The following CHFR variants were observed in gnomAD, a reference collection of about 807,000 sequenced individuals.
The protein encoded by CHFR is E3 ubiquitin-protein ligase CHFR.
Under a neutral mutation model 87.6 loss-of-function variants are expected in CHFR, and 57 were observed. That is an observed-to-expected ratio of 0.65 (90% CI 0.53 to 0.81). CHFR has a LOEUF of 0.81. CHFR is among the 30% of genes least tolerant of loss of function. CHFR has a pLI of 0.00. For missense variants in CHFR, 797 were observed against 865.8 expected, an observed-to-expected ratio of 0.92 and a Z score of 1.00; for synonymous variants, 381 against 359.2, an observed-to-expected ratio of 1.06 and a Z score of -0.69.
chr12:132,869,408 A>G (rs1055757695), intron 6 of CHFR, among the ~76,000 whole-genome samples: 1 of 152,118 alleles, frequency 6.6e-6, no homozygotes, highest in Non-Finnish European at 1.5e-5. Flanking sequence ...ATGAAACTGC[A>G]AAATACACAA....
At chr12:132,844,798 T>A (rs1158754275) in intron 15 of CHFR, among the ~76,000 whole-genome samples, 1 of 151,902 alleles carries the variant, frequency 6.6e-6, no homozygotes, top group Non-Finnish European at 1.5e-5. Flanking sequence ...GCCCGGCTAA[T>A]GTTTATACTT....
chr12:132,853,443 T>C lies in CHFR; in HGVS notation c.1360A>G (p.Ser454Gly). 1 of 1,525,388 alleles carries C rather than the reference T, an allele frequency of 6.6e-7. No homozygotes were observed. Among genetic ancestry groups the C allele is most frequent in the Non-Finnish European group, 8.7e-7 (1 of 1,145,316 alleles). 94.5% of individuals were successfully genotyped at this position (1,525,388 alleles called of 1,614,324 possible). A position where few individuals can be genotyped will look rare whatever the true frequency, so the allele number is the denominator to read the frequency against. The change falls in exon 11 of 18, where the codon AGC (serine) becomes GGC (glycine). Residue 454 changes from serine to glycine, a missense_variant. Ser to Gly is a moderately conservative substitution (Grantham distance 56). This residue lies in a region of CHFR where 597 missense variants were observed against 601.2 expected (regional missense o/e 0.99). Transcript: ENST00000450056. The part of the protein sequence containing the change: ...ALGDAPSTSV[S>G]LTTAVQDYVC... ...CGGCGCGGCTCACCTGTCGTCAGGCTGACGGACGTGGAGGGTGCATCCCCC... is the reference window on the plus strand; with the variant it reads ...CGGCGCGGCTCACCTGTCGTCAGGCCGACGGACGTGGAGGGTGCATCCCCC...
chr12:132,868,234 G>C (rs931296819), intron 6 of CHFR, among the ~76,000 whole-genome samples: 1 of 152,232 alleles, frequency 6.6e-6, no homozygotes, highest in African/African-American at 2.4e-5. Context: ...GCTCACGCCT[G>C]TAATCCTAGC....
At position 132,833,975 on chromosome 12, in the gene CHFR, A is replaced by C. The variant is rs1950630908; in HGVS notation, c.*7579T>G. The C allele has an allele frequency of 6.6e-6, 1 of 152,234 alleles. No homozygotes were observed. Among genetic ancestry groups the C allele is most frequent in the African/African-American group, 2.4e-5 (1 of 41,418 alleles). 9.4% of individuals were successfully genotyped at this position (152,234 alleles called of 1,614,324 possible). A position where few individuals can be genotyped will look rare whatever the true frequency, so the allele number is the denominator to read the frequency against. On this transcript the variant is annotated 3_prime_UTR_variant, in exon 18 of 18. Transcript: ENST00000450056. ...CGTGACAAGGAGGACCAATGCACGCACAGATCTGGGAGAAGAGCAGTGAGG... is the reference window on the plus strand; with the variant it reads ...CGTGACAAGGAGGACCAATGCACGCCCAGATCTGGGAGAAGAGCAGTGAGG...
Position 132,837,875 on chromosome 12 carries a change from G to T in CHFR, c.*3679C>A, listed in dbSNP as rs1950660493. The T allele has an allele frequency of 6.6e-6, 1 of 152,408 alleles. No homozygotes were observed. The highest frequency in any genetic ancestry group is 1.5e-5 in the Non-Finnish European group (1 of 68,140). The allele number at this position is 152,408 out of a possible 1,614,324, so 9.4% of individuals were successfully genotyped here. On this transcript the variant is annotated 3_prime_UTR_variant, in exon 18 of 18. Coordinates refer to ENST00000450056, the MANE Select transcript of CHFR (RefSeq NM_001161346.2). ...GAGGGCGGGCACGGCCGCGGGGACA[G>T]CGTTCTGGTTTCCCCATCAAGCCAG...
At chr12:132,846,588 A>C (rs1159950108) in intron 15 of CHFR, among the ~76,000 whole-genome samples, 1 of 151,868 alleles carries the variant, frequency 6.6e-6, no homozygotes, top group Non-Finnish European at 1.5e-5. Flanking sequence ...ACTTTCAAAA[A>C]ACAACCTGAA....
chr12:132,852,582 C>T (rs1171252805), intron 11 of CHFR, among the ~76,000 whole-genome samples: 1 of 152,244 alleles, frequency 6.6e-6, no homozygotes, highest in African/African-American at 2.4e-5. Context: ...TGAGCACCCA[C>T]TGAGGGACCC....
At position 132,841,677 on chromosome 12, in the gene CHFR, G is replaced by A. The variant is rs565734748; in HGVS notation, c.1917-81C>T. 2.6e-4 allele frequency: 299 copies of A among 1,167,726 alleles called. 3 individuals carry two copies. The highest frequency in any genetic ancestry group is 8.7e-4 in the South Asian group (71 of 81,974). 72.3% of individuals were successfully genotyped at this position (1,167,726 alleles called of 1,614,324 possible). A position where few individuals can be genotyped will look rare whatever the true frequency, so the allele number is the denominator to read the frequency against. On this transcript the variant is annotated intron_variant, in intron 17 of 17. Transcript: ENST00000450056. ...AAATTACACAACAGAGCATCAGAAA[G>A]GCATTCAAATAAACGCATTCGGAAA... is the stretch of plus-strand genomic sequence containing the variant.
intron 10 of CHFR, 115 bp from the exon 11 acceptor site, chr12:132,853,688 G>T: frequency 7.8e-7 from 1 of 1,280,626 alleles, no homozygotes; most frequent in Admixed American, 3.4e-5. Flanking sequence ...CAGCTGCTTG[G>T]TGTGAGGGGA....
chr12:132,873,270 G>C (rs951409307), intron 3 of CHFR, among the ~76,000 whole-genome samples: 7 of 152,138 alleles, frequency 4.6e-5, no homozygotes, highest in African/African-American at 1.7e-4. Context: ...AGGTTTTGTG[G>C]TCACCATTGC....
At chr12:132,858,974 A>C in intron 8 of CHFR, 94 bp downstream of exon 8, 2 of 1,249,288 alleles carry the variant, frequency 1.6e-6, no homozygotes, top group Non-Finnish European at 2.2e-6. Context: ...GCCAAACAGG[A>C]CCTGCAGGCT....
intron 3 of CHFR, among the ~76,000 whole-genome samples, chr12:132,874,954 A>G (rs11147132): frequency 0.17 from 18,713 of 108,738 alleles, 1,358 homozygotes; most frequent in Admixed American, 0.24. Flanking sequence ...AGCACCCAGC[A>G]CGGGGAAGCC....
intron 15 of CHFR, among the ~76,000 whole-genome samples, chr12:132,846,081 T>C (rs906643176): frequency 2.0e-5 from 3 of 152,158 alleles, no homozygotes; most frequent in Middle Eastern, 3.2e-3. Flanking sequence ...TTCTTTTGTC[T>C]TTTTGTTTTC....
chr12:132,856,197 A>C (rs1302715400), intron 10 of CHFR, among the ~76,000 whole-genome samples: 5 of 152,170 alleles, frequency 3.3e-5, no homozygotes, highest in Non-Finnish European at 7.3e-5. Flanking sequence ...CGAGGGTGCA[A>C]ATGTCTACAG....
intron 13 of CHFR, 118 bp downstream of exon 13, chr12:132,848,523 C>G: frequency 1.3e-6 from 1 of 770,354 alleles, no homozygotes; most frequent in African/African-American, 1.7e-5. Context: ...ATTTGATGAC[C>G]AACAGTGGCC....
At position 132,834,411 on chromosome 12, in the gene CHFR, C is replaced by T. The variant is rs1351602281; in HGVS notation, c.*7143G>A. 1.3e-5 allele frequency: 2 copies of T among 152,356 alleles called. No homozygotes were observed. The highest frequency in any genetic ancestry group is 3.9e-4 in the East Asian group (2 of 5,186). 9.4% of individuals were successfully genotyped at this position (152,356 alleles called of 1,614,324 possible). A position where few individuals can be genotyped will look rare whatever the true frequency, so the allele number is the denominator to read the frequency against. On this transcript the variant is annotated 3_prime_UTR_variant, in exon 18 of 18. Transcript: ENST00000450056. The stretch of plus-strand genomic sequence containing the variant: ...CTGGACCCTTCCTGAAAACAAAAAC[C>T]AAACGGGATGAGTGTGTGGGGGGTA...
intron 2 of CHFR, among the ~76,000 whole-genome samples, chr12:132,878,744 C>T (rs1488685278): frequency 2.7e-5 from 4 of 146,500 alleles, no homozygotes; most frequent in Admixed American, 6.9e-5. Context: ...GGCGAGAACC[C>T]GGGAGGAGGA....
In CHFR at chr12:132,856,049, T is replaced by C. The variant is rs572278107; in HGVS notation, c.1229+419A>G. Among the ~76,000 whole-genome samples the C allele has an allele frequency of 7.9e-5, 12 of 152,308 alleles. No individual in the cohort carries two copies. The South Asian group carries it at 1.9e-3, about 24-fold the overall frequency. On this transcript the variant is annotated intron_variant, in intron 10 of 17. Coordinates refer to ENST00000450056, the MANE Select transcript of CHFR (RefSeq NM_001161346.2). The stretch of plus-strand genomic sequence containing the variant: ...ATGATAAACATTGCAATTTATACTA[T>C]AGGACTTTATAGTCGCTAGATCAAC...
At position 132,840,193 on chromosome 12, in the gene CHFR, G is replaced by A. The variant is rs1950685066; in HGVS notation, c.*1361C>T. On this transcript the variant is annotated 3_prime_UTR_variant, in exon 18 of 18. Coordinates refer to ENST00000450056, the MANE Select transcript of CHFR (RefSeq NM_001161346.2). ...TGTGGCTTCCCAGCATTGGCAGAAT[G>A]AAGAGACCTGAGCAGGTTTCACAGG... is the stretch of plus-strand genomic sequence containing the variant. 6.6e-6 allele frequency: 1 copy of A among 152,476 alleles called. No individual in the cohort carries two copies. The highest frequency in any genetic ancestry group is 2.4e-5 in the African/African-American group (1 of 41,456). The allele number at this position is 152,476 out of a possible 1,614,324, so 9.4% of individuals were successfully genotyped here.
Sources: gnomAD v4.1 joint callset for allele counts (sites outside exome capture counted in the v4.1 genomes callset) on GRCh38, gnomAD v4.1.1 for gene constraint, gnomAD v4.1.1 regional missense constraint, MANE v1.5 for transcripts, NCBI Gene and HGNC (gene_info 2026-07-23, HGNC 2026-07-21) for gene names.